TANC2: variants seen among roughly 807,000 people sequenced by gnomAD.
The protein encoded by TANC2 is tetratricopeptide repeat, ankyrin repeat and coiled-coil containing 2.
In TANC2, 26 loss-of-function variants were observed where a neutral mutation model predicts 210.5. The observed-to-expected ratio is 0.12, with a 90% CI of 0.09 to 0.17. The LOEUF (loss-of-function observed/expected upper bound fraction) is 0.17. TANC2 is among the 10% of genes least tolerant of loss of function. TANC2 has a pLI of 1.00. For synonymous variants in TANC2, 931 were observed against 967.1 expected, an observed-to-expected ratio of 0.96 and a Z score of 0.69; for missense variants, 2,129 against 2,608.9, an observed-to-expected ratio of 0.82 and a Z score of 4.01.
At chr17:63,042,121 C>G (rs531660142) in intron 2 of TANC2, among the ~76,000 whole-genome samples, 1 of 152,016 alleles carries the variant, frequency 6.6e-6, no homozygotes, top group Non-Finnish European at 1.5e-5. Flanking sequence ...CCCTTCTGTG[C>G]GTTTACAGAA....
intron 9 of TANC2, among the ~76,000 whole-genome samples, chr17:63,292,071 T>G (rs1567887881): frequency 1.3e-5 from 2 of 152,182 alleles, no homozygotes; most frequent in Admixed American, 6.5e-5. Context: ...TTTAAACATT[T>G]TAAGTTTGAG....
intron 2 of TANC2, among the ~76,000 whole-genome samples, chr17:63,027,492 A>G (rs2034601143): frequency 6.6e-6 from 1 of 152,092 alleles, no homozygotes; most frequent in African/African-American, 2.4e-5. Context: ...TTTCATCTGA[A>G]TATATTTAGA....
chr17:63,394,445 C>G (rs561497064), intron 17 of TANC2, among the ~76,000 whole-genome samples: 55 of 152,164 alleles, frequency 3.6e-4, no homozygotes, highest in Non-Finnish European at 4.9e-4. Flanking sequence ...ACCATTTCTC[C>G]AAGGAGCCAT....
intron 2 of TANC2, among the ~76,000 whole-genome samples, chr17:63,013,593 C>G (rs1212449220): frequency 6.6e-6 from 1 of 152,032 alleles, no homozygotes; most frequent in Non-Finnish European, 1.5e-5. Flanking sequence ...GAAATCCAGT[C>G]TCTATTAAAA....
At chr17:63,354,849 G>A (rs2046736104) in exon 14 of TANC2, 1 of 1,613,148 alleles carries the variant, frequency 6.2e-7, no homozygotes, top group East Asian at 2.2e-5. Context: ...TGAAGCCATA[G>A]ACCAGGACCT....
At chr17:63,193,598 A>C (rs1239768286) in intron 5 of TANC2, among the ~76,000 whole-genome samples, 2 of 152,180 alleles carry the variant, frequency 1.3e-5, no homozygotes, top group Non-Finnish European at 1.5e-5. Context: ...ACCCCATAAA[A>C]AGATTTTTGT....
chr17:63,326,507 A>C (rs561060527), intron 11 of TANC2, among the ~76,000 whole-genome samples: 3 of 152,100 alleles, frequency 2.0e-5, no homozygotes, highest in African/African-American at 7.2e-5. Flanking sequence ...AAGATTGACA[A>C]ATTTGGCCAC....
Position 63,406,577 on chromosome 17 carries a change from G to A in TANC2, c.3589+300G>A, listed in dbSNP as rs1205992943. 2.6e-5 allele frequency among the ~76,000 whole-genome samples: 4 copies of A among 152,164 alleles called. No homozygotes were observed. In the South Asian group the frequency reaches 6.2e-4, roughly 24 times the overall value. Reference sequence around the variant, plus strand: ...TATACTCAATAAATGTTCATCTTCCGGGGATTGTGTTCTGACTTTATCAAT... The same window carrying A: ...TATACTCAATAAATGTTCATCTTCCAGGGATTGTGTTCTGACTTTATCAAT... On this transcript the variant is annotated intron_variant, in intron 21 of 27. Coordinates refer to ENST00000689528, the Ensembl canonical transcript of TANC2.
At chr17:63,275,729 A>G (rs1177414606) in intron 9 of TANC2, among the ~76,000 whole-genome samples, 1 of 152,160 alleles carries the variant, frequency 6.6e-6, no homozygotes, top group East Asian at 1.9e-4. Flanking sequence ...TTGCATGCAC[A>G]TAACTTCCTA....
rs370801424 is a variant in TANC2 at position 63,122,566 on chromosome 17, G to A, written c.322+23209G>A. On this transcript the variant is annotated intron_variant, in intron 4 of 27. Transcript: ENST00000689528. ...AGCCTGGTCAACATGGTGAAACCCCGTCTCTACTAAAAATACAAAACTTAG... is the reference window on the plus strand; with the variant it reads ...AGCCTGGTCAACATGGTGAAACCCCATCTCTACTAAAAATACAAAACTTAG... Among the ~76,000 whole-genome samples, 24 of 152,056 alleles carry A rather than the reference G, an allele frequency of 1.6e-4. No homozygotes were observed. The South Asian group carries it at 3.5e-3, about 22-fold the overall frequency.
intron 11 of TANC2, among the ~76,000 whole-genome samples, chr17:63,323,914 C>T (rs1312242649): frequency 6.6e-6 from 1 of 152,194 alleles, no homozygotes; most frequent in Non-Finnish European, 1.5e-5. Context: ...TAAGCTAGTA[C>T]ATGACTGAGT....
chr17:63,250,917 C>T (rs2043038777), intron 8 of TANC2, among the ~76,000 whole-genome samples: 1 of 152,010 alleles, frequency 6.6e-6, no homozygotes, highest in South Asian at 2.1e-4. Context: ...ATAATAGAAA[C>T]GTTGTTGAAG....
intron 9 of TANC2, among the ~76,000 whole-genome samples, chr17:63,280,087 AAG>A (rs2044014787): frequency 6.6e-6 from 1 of 152,130 alleles, no homozygotes; most frequent in Non-Finnish European, 1.5e-5. Flanking sequence ...TTTTAGCACT[AAG>A]AAAGAATCTT....
intron 8 of TANC2, among the ~76,000 whole-genome samples, chr17:63,266,804 T>G (rs2043543114): frequency 1.3e-5 from 2 of 152,074 alleles, no homozygotes. Context: ...TCAAACCAGT[T>G]GTTAGTAATA....
chr17:63,220,754 A>C (rs1200712057), intron 7 of TANC2, among the ~76,000 whole-genome samples: 1 of 146,988 alleles, frequency 6.8e-6, no homozygotes, highest in East Asian at 2.0e-4. Flanking sequence ...ATATATGTGT[A>C]TATACGTGTA....
At chr17:63,246,075 T>G (rs964406721) in intron 8 of TANC2, among the ~76,000 whole-genome samples, 3 of 152,030 alleles carry the variant, frequency 2.0e-5, no homozygotes, top group African/African-American at 7.2e-5. Context: ...TCTCTTTTCT[T>G]TGGTATAGAA....
chr17:63,382,660 G>A lies in TANC2; in HGVS notation c.2691+2834G>A, dbSNP rs761958434. ...GAATGTAACAAATATAATAGATAACGCTTTTGTATTTCTCTTTTACCCCAT... is the reference window on the plus strand; with the variant it reads ...GAATGTAACAAATATAATAGATAACACTTTTGTATTTCTCTTTTACCCCAT... On this transcript the variant is annotated intron_variant, in intron 15 of 27. Transcript: ENST00000689528. Among the ~76,000 whole-genome samples, 6 of 151,944 alleles carry A rather than the reference G, an allele frequency of 3.9e-5. No individual in the cohort carries two copies. The East Asian group carries it at 7.7e-4, about 20-fold the overall frequency.
intron 5 of TANC2, among the ~76,000 whole-genome samples, chr17:63,178,959 CT>C (rs2040685033): frequency 6.6e-6 from 1 of 152,124 alleles, no homozygotes; most frequent in Admixed American, 6.5e-5. Context: ...GTAGAAGGTA[CT>C]TTTTTCAAAT....
chr17:62,980,582 C>T (rs1488820847), intron 1 of TANC2, among the ~76,000 whole-genome samples: 6 of 152,158 alleles, frequency 3.9e-5, no homozygotes, highest in African/African-American at 1.4e-4. Flanking sequence ...GGCTTCCTGA[C>T]TTCCTCTCCT....
Sources: allele counts gnomAD v4.1 joint callset (sites outside exome capture counted in the v4.1 genomes callset), GRCh38; gene constraint gnomAD v4.1.1; transcripts MANE v1.5; gene names NCBI Gene and HGNC (gene_info 2026-07-23, HGNC 2026-07-21).